Variants in EFCAB7 observed in about 807,000 individuals in gnomAD.
EFCAB7 encodes the protein EF-hand calcium binding domain 7, also known as EF-hand calcium-binding domain-containing protein 7.
Under a neutral mutation model 77.1 loss-of-function variants are expected in EFCAB7, and 66 were observed. That is an observed-to-expected ratio of 0.86 (90% CI 0.70 to 1.05). EFCAB7 has a LOEUF of 1.05. EFCAB7 is among the 50% of genes least tolerant of loss of function. The pLI is 0.00. For missense variants in EFCAB7, 638 were observed against 730.5 expected, an observed-to-expected ratio of 0.87 and a Z score of 1.46; for synonymous variants, 225 against 243.3, an observed-to-expected ratio of 0.92 and a Z score of 0.70.
intron 10 of EFCAB7, among the ~76,000 whole-genome samples, chr1:63,561,380 C>T (rs894474538): frequency 2.0e-5 from 3 of 152,080 alleles, no homozygotes; most frequent in South Asian, 2.1e-4. Context: ...TATATAACAA[C>T]GTATGCTCTA....
In EFCAB7 at chr1:63,561,745, A is replaced by G. The variant is rs1458306659; in HGVS notation, c.1385A>G (p.Gln462Arg). The stretch of plus-strand genomic sequence containing the variant: ...ACAAAGAGGAATGAACTAACAAGAC[A>G]AGGATTTATGGATTTGAATCTAATG... ...FDTKRNELTR[Q>R]GFMDLNLMEA... The change falls in exon 11 of 14, where the codon CAA becomes CGA. Residue 462 changes from glutamine to arginine, a missense_variant. Physicochemically the swap from Gln to Arg is conservative, Grantham distance 43 (BLOSUM62 1). Transcript: ENST00000371088. 1.2e-6 allele frequency: 2 copies of G among 1,607,644 alleles called. No individual in the cohort carries two copies. The highest frequency in any genetic ancestry group is 2.2e-5 in the East Asian group (1 of 44,592).
the EFCAB7 span, among the ~76,000 whole-genome samples, chr1:63,580,072 TGAA>T: frequency 1.3e-5 from 2 of 152,202 alleles, no homozygotes; most frequent in Non-Finnish European, 2.9e-5. Flanking sequence ...TACATTTTGA[TGAA>T]GTCCAATTAA....
At chr1:63,556,911 G>A (rs1021953995) in intron 9 of EFCAB7, among the ~76,000 whole-genome samples, 5 of 151,042 alleles carry the variant, frequency 3.3e-5, no homozygotes, top group South Asian at 2.1e-4. Context: ...GGTGGCGGGC[G>A]CCTATAGTCC....
intron 6 of EFCAB7, among the ~76,000 whole-genome samples, chr1:63,545,645 T>C (rs993395980): frequency 6.6e-6 from 1 of 152,024 alleles, no homozygotes; most frequent in Admixed American, 6.5e-5. Context: ...TTTGTATTTT[T>C]AGTAGAGACA....
At position 63,534,104 on chromosome 1, in the gene EFCAB7, G is replaced by C; in HGVS notation, c.692G>C (p.Arg231Thr). Residue 231 changes from arginine (R) to threonine (T), a missense_variant, in exon 6 of 14, where the codon AGG becomes ACG. Physicochemically the swap from Arg to Thr is moderately conservative, Grantham distance 71. Transcript: ENST00000371088. Reference sequence around the variant, plus strand: ...TCATTACTTGTTGCAGGTGACACCAGGAGTTCTTTACTGTCAGCAACCAGG... The same window carrying C: ...TCATTACTTGTTGCAGGTGACACCACGAGTTCTTTACTGTCAGCAACCAGG... ...PETFLNKGDT[R>T]SSLLSATRKF... 1 of 1,613,196 alleles carries C rather than the reference G, an allele frequency of 6.2e-7. No homozygotes were observed. The highest frequency in any genetic ancestry group is 1.1e-5 in the South Asian group (1 of 90,994).
the EFCAB7 span, among the ~76,000 whole-genome samples, chr1:63,579,709 G>A: frequency 1.3e-5 from 2 of 152,102 alleles, no homozygotes; most frequent in African/African-American, 4.8e-5. Context: ...ATCAGTACTC[G>A]GTATTGTCTG....
chr1:63,557,341 ATATTAT>A (rs573781309), intron 10 of EFCAB7, 94 bp downstream of exon 10: 1 of 1,176,376 alleles, frequency 8.5e-7, no homozygotes, highest in South Asian at 1.5e-5. Flanking sequence ...TCTGCATGAA[ATATTAT>A]TATAGCATTT....
At chr1:63,570,341 G>A (rs1474651795) in intron 12 of EFCAB7, 1 of 152,094 alleles carries the variant, frequency 6.6e-6, no homozygotes, top group Non-Finnish European at 1.5e-5. Flanking sequence ...CATCCTAGAG[G>A]CCATTGTCTT....
intron 6 of EFCAB7, among the ~76,000 whole-genome samples, chr1:63,542,314 C>T (rs1646838338): frequency 6.6e-6 from 1 of 152,176 alleles, no homozygotes; most frequent in Admixed American, 6.5e-5. Context: ...ATAATATTCC[C>T]TTGTATGTAT....
intron 6 of EFCAB7, among the ~76,000 whole-genome samples, chr1:63,536,273 C>T (rs1646762028): frequency 6.6e-6 from 1 of 152,130 alleles, no homozygotes; most frequent in African/African-American, 2.4e-5. Flanking sequence ...CCCACTGTTG[C>T]TTGCTATCTA....
chr1:63,555,266 G>A, intron 8 of EFCAB7, 92 bp from the exon 9 acceptor site: 3 of 1,339,516 alleles, frequency 2.2e-6, no homozygotes, highest in Non-Finnish European at 1.0e-6. Context: ...CATTTCTAAT[G>A]TGTCCCTTTC....
chr1:63,560,165 G>A (rs11208243), intron 10 of EFCAB7, among the ~76,000 whole-genome samples: 2,965 of 152,074 alleles, frequency 0.019, 88 homozygotes, highest in African/African-American at 0.068. Context: ...TGTTAACCAG[G>A]ATGGTCTCGA....
Position 63,568,303 on chromosome 1 carries a change from C to A in EFCAB7, c.1498-7C>A. 1.3e-6 allele frequency: 2 copies of A among 1,578,322 alleles called. No individual in the cohort carries two copies. Among genetic ancestry groups the A allele is most frequent in the East Asian group, 2.3e-5 (1 of 43,664 alleles). ...AAGGCTGAAACAAGATTTTTTTTTC[C>A]TATCAGGCATGTCCATTTGTCATTG... On this transcript the variant is annotated splice_polypyrimidine_tract_variant and splice_region_variant and intron_variant, in intron 11 of 13. Coordinates refer to ENST00000371088, the MANE Select transcript of EFCAB7 (RefSeq NM_032437.4).
At chr1:63,578,316 G>C in the EFCAB7 span, among the ~76,000 whole-genome samples, 5 of 152,148 alleles carry the variant, frequency 3.3e-5, no homozygotes, top group Admixed American at 2.6e-4. Context: ...CCTAATGTGT[G>C]CAAAGTACTG....
intron 11 of EFCAB7, among the ~76,000 whole-genome samples, chr1:63,562,171 A>G (rs957058691): frequency 2.0e-5 from 3 of 151,956 alleles, no homozygotes; most frequent in East Asian, 1.9e-4. Context: ...TCTCATTTCT[A>G]TAGGGAAACA....
At chr1:63,556,725 C>T (rs1454867643) in intron 9 of EFCAB7, among the ~76,000 whole-genome samples, 1 of 152,040 alleles carries the variant, frequency 6.6e-6, no homozygotes, top group Non-Finnish European at 1.5e-5. Flanking sequence ...ATGTTATCCT[C>T]ATAGAACCCT....
At chr1:63,557,284 AT>A in intron 10 of EFCAB7, 37 bp downstream of exon 10, 1 of 1,545,798 alleles carries the variant, frequency 6.5e-7, no homozygotes. Context: ...ATGTATAAAA[AT>A]ATATATATAG....
intron 3 of EFCAB7, among the ~76,000 whole-genome samples, chr1:63,532,259 A>G (rs1646706804): frequency 1.3e-5 from 2 of 152,078 alleles, no homozygotes; most frequent in Non-Finnish European, 1.5e-5. Flanking sequence ...TTGTTCTCCT[A>G]TTTAATTGGT....
chr1:63,566,179 A>C (rs996538124), intron 11 of EFCAB7, among the ~76,000 whole-genome samples: 1 of 152,254 alleles, frequency 6.6e-6, no homozygotes, highest in Non-Finnish European at 1.5e-5. Context: ...AAAAAGAATG[A>C]GGTCATGTCC....
Sources: allele counts gnomAD v4.1 joint callset (sites outside exome capture counted in the v4.1 genomes callset), GRCh38; gene constraint gnomAD v4.1.1; transcripts MANE v1.5; gene names NCBI Gene and HGNC (gene_info 2026-07-23, HGNC 2026-07-21).